Variants in DYNC2H1 observed in about 807,000 individuals in gnomAD.
DYNC2H1 encodes the protein dynein cytoplasmic 2 heavy chain 1, also known as cytoplasmic dynein 2 heavy chain 1.
In DYNC2H1, 410 loss-of-function variants were observed where a neutral mutation model predicts 570.0. The ratio of observed to expected loss-of-function variants is 0.72; its 90% CI spans 0.66 to 0.78. DYNC2H1 has a LOEUF of 0.78. DYNC2H1 is among the 30% of genes least tolerant of loss of function. DYNC2H1 has a pLI of 0.00. For synonymous variants in DYNC2H1, 1,688 were observed against 1,677.6 expected (o/e 1.01, Z -0.15); for missense variants, 4,865 against 5,046.4 (o/e 0.96, Z 1.09).
In DYNC2H1 at chr11:103,369,465, C is replaced by T. The variant is rs1226749407; in HGVS notation, c.12156+11106C>T. Among the ~76,000 whole-genome samples, 1 of 152,198 alleles carries T rather than the reference C, an allele frequency of 6.6e-6. No homozygotes were observed. Among genetic ancestry groups the T allele is most frequent in the African/African-American group, 2.4e-5 (1 of 41,472 alleles). On this transcript the variant is annotated intron_variant, in intron 83 of 88. Transcript: ENST00000375735. This position sits in a 1 kb window ranked among gnomAD's most constrained non-coding sequence, Gnocchi z 4.0. ...TGAACTGGAAGGGACACGTGACCTA[C>T]TGAGGCACCTGCTGGGGCAGCTAAG...
intron 83 of DYNC2H1, among the ~76,000 whole-genome samples, chr11:103,385,872 T>C (rs1941850973): frequency 6.6e-6 from 1 of 152,184 alleles, no homozygotes; most frequent in South Asian, 2.1e-4. Context: ...ACCTAGCCAA[T>C]GGAAGATCTG....
Position 103,151,354 on chromosome 11 carries a change from G to A in DYNC2H1, c.2947-782G>A, listed in dbSNP as rs1860529136. ...CTCGCCTCGGCCTCCCAAAGTGCTA[G>A]GATTACAGGTGTGAGCTGCCAGGCC... On this transcript the variant is annotated intron_variant, in intron 20 of 88. Transcript: ENST00000375735. The surrounding 1 kb of genome is among the most constrained non-coding windows in gnomAD (Gnocchi z 4.6). Among the ~76,000 whole-genome samples the A allele has an allele frequency of 6.6e-6, 1 of 152,082 alleles. No homozygotes were observed. Among genetic ancestry groups the A allele is most frequent in the Non-Finnish European group, 1.5e-5 (1 of 68,012 alleles).
chr11:103,193,240 G>T (rs1181875299), intron 47 of DYNC2H1, among the ~76,000 whole-genome samples: 1 of 152,174 alleles, frequency 6.6e-6, no homozygotes, highest in Non-Finnish European at 1.5e-5. Context: ...GAGTTTGCTT[G>T]ACTTGGAGTG....
intron 84 of DYNC2H1, chr11:103,402,805 A>T (rs1357227887): frequency 6.6e-6 from 1 of 152,088 alleles, no homozygotes; most frequent in Non-Finnish European, 1.5e-5. Context: ...AACTAGTGCT[A>T]TTGGTTGGAT....
In DYNC2H1 at chr11:103,188,541, T is replaced by A; in HGVS notation, c.7185T>A (p.Val2395=). 6.2e-7 allele frequency: 1 copy of A among 1,609,222 alleles called. No homozygotes were observed. Among genetic ancestry groups the A allele is most frequent in the Non-Finnish European group, 8.5e-7 (1 of 1,176,962 alleles). Residue 2395 remains valine (V), a synonymous_variant, in exon 44 of 89, where the codon GTT becomes GTA. Transcript: ENST00000375735. The part of the protein sequence containing the change: ...QGFYDENLEW[V]GLENIQIVAS... ...TTTATGATGAAAATTTGGAATGGGT[T>A]GGTCTAGAAAATATTCAAATTGTGG... is the stretch of plus-strand genomic sequence containing the variant.
chr11:103,286,281 C>T lies in DYNC2H1; in HGVS notation c.10917C>T (p.Thr3639=), dbSNP rs1181218512. The T allele has an allele frequency of 6.2e-7, 1 of 1,613,302 alleles. No homozygotes were observed. Residue 3639 remains threonine, a synonymous_variant, in exon 74 of 89, where the codon ACC becomes ACT. Coordinates refer to ENST00000375735, the MANE Select transcript of DYNC2H1 (RefSeq NM_001377.3). ...LKIALPSLYQ[T]LCFEDAALWR... Reference sequence around the variant, plus strand: ...TTGCTCTCCCCAGTCTTTATCAGACCCTCTGCTTTGAAGATGCAGCTCTGT... The same window carrying T: ...TTGCTCTCCCCAGTCTTTATCAGACTCTCTGCTTTGAAGATGCAGCTCTGT...
chr11:103,219,924 G>C lies in DYNC2H1; in HGVS notation c.8842G>C (p.Glu2948Gln). ...MITVSMQDASEQKTELERLKH... is the reference protein window; with the variant it reads ...MITVSMQDASQQKTELERLKH... The stretch of plus-strand genomic sequence containing the variant: ...TTAAATATTCTTATAGGATGCTAGT[G>C]AGCAAAAAACAGAACTTGAAAGACT... The change falls in exon 56 of 89, where the codon GAG (glutamate) becomes CAG (glutamine). Residue 2948 changes from glutamate (E) to glutamine (Q), a missense_variant. This residue lies in a region of DYNC2H1 where 2,401 missense variants were observed against 2,454.6 expected (regional missense o/e 0.98). Coordinates refer to ENST00000375735, the MANE Select transcript of DYNC2H1 (RefSeq NM_001377.3). The C allele has an allele frequency of 1.3e-6, 2 of 1,517,176 alleles. No homozygotes were observed. The highest frequency in any genetic ancestry group is 1.8e-6 in the Non-Finnish European group (2 of 1,138,450). 94.0% of individuals were successfully genotyped at this position (1,517,176 alleles called of 1,614,324 possible). A position where few individuals can be genotyped will look rare whatever the true frequency, so the allele number is the denominator to read the frequency against.
Position 103,236,450 on chromosome 11 carries a change from C to T in DYNC2H1, c.9730C>T (p.Leu3244Phe). 6.2e-7 allele frequency: 1 copy of T among 1,605,536 alleles called. No homozygotes were observed. Among genetic ancestry groups the T allele is most frequent in the Non-Finnish European group, 8.5e-7 (1 of 1,173,092 alleles). ...TTCAGAATTTGATCTGAGGAGATTTCTTTGTACTGAAAGTGAGCAGTTAAT... is the reference window on the plus strand; with the variant it reads ...TTCAGAATTTGATCTGAGGAGATTTTTTTGTACTGAAAGTGAGCAGTTAAT... ...GLEKFDLRRF[L>F]CTESEQLIWK... Residue 3244 changes from leucine (L) to phenylalanine (F), a missense_variant, in exon 63 of 89, where the codon CTT (leucine) becomes TTT (phenylalanine). Leu to Phe is a conservative substitution (Grantham distance 22, BLOSUM62 0). Around this residue, in one of 5 missense-constraint regions of DYNC2H1, gnomAD observed 2,401 missense variants for 2,454.6 expected, o/e 0.98. Transcript: ENST00000375735.
intron 40 of DYNC2H1, 132 bp downstream of exon 40, chr11:103,182,018 C>A: frequency 1.2e-6 from 1 of 867,674 alleles, no homozygotes. Context: ...TTTGTCACTG[C>A]TACTCCTCTG....
In DYNC2H1 at chr11:103,455,752, A is replaced by G. The variant is rs142283777; in HGVS notation, c.12566+457A>G. ...AAAATTCTGCTGGACAGTGCTGACT[A>G]GGCTCCTTGGTGGAGAACAGGACTT... On this transcript the variant is annotated intron_variant, in intron 86 of 88. Transcript: ENST00000375735. 1.8e-4 allele frequency among the ~76,000 whole-genome samples: 28 copies of G among 152,242 alleles called. No homozygotes were observed. In the East Asian group the frequency reaches 4.8e-3, roughly 26 times the overall value.
intron 82 of DYNC2H1, among the ~76,000 whole-genome samples, chr11:103,330,393 C>G (rs1938715909): frequency 6.6e-6 from 1 of 151,530 alleles, no homozygotes; most frequent in Non-Finnish European, 1.5e-5. Flanking sequence ...CTGAAGAAAT[C>G]TTTAAAGCAG....
chr11:103,154,974 T>C (rs1256722904), intron 24 of DYNC2H1, among the ~76,000 whole-genome samples, 165 bp downstream of exon 24: 3 of 152,110 alleles, frequency 2.0e-5, no homozygotes, highest in African/African-American at 4.8e-5. Flanking sequence ...TATTGATATT[T>C]CTACTACCAA....
At chr11:103,114,518 C>T (rs1858277458) in intron 3 of DYNC2H1, among the ~76,000 whole-genome samples, 1 of 152,162 alleles carries the variant, frequency 6.6e-6, no homozygotes, top group Non-Finnish European at 1.5e-5. Flanking sequence ...TGGGGTCTTG[C>T]TGTATTGCCC....
chr11:103,388,645 A>G (rs1941995269), intron 83 of DYNC2H1, among the ~76,000 whole-genome samples: 2 of 152,178 alleles, frequency 1.3e-5, no homozygotes, highest in Admixed American at 6.5e-5. Context: ...TGGGTTTCTC[A>G]TAGATAGCTC....
intron 84 of DYNC2H1, among the ~76,000 whole-genome samples, chr11:103,431,429 A>G (rs1943889529): frequency 6.6e-6 from 1 of 152,078 alleles, no homozygotes; most frequent in African/African-American, 2.4e-5. Flanking sequence ...GGGGGTTTAC[A>G]TCCTGGATCT....
intron 12 of DYNC2H1, among the ~76,000 whole-genome samples, chr11:103,128,207 G>A (rs990496632): frequency 5.3e-5 from 8 of 152,130 alleles, no homozygotes; most frequent in Admixed American, 1.3e-4. Flanking sequence ...GGATTTTTGG[G>A]TTTTATTCTC....
intron 82 of DYNC2H1, among the ~76,000 whole-genome samples, chr11:103,339,988 CTCTTCCAAACACATAGAT>C (rs1254920852): frequency 3.9e-5 from 6 of 152,312 alleles, no homozygotes; most frequent in Middle Eastern, 3.4e-3. Flanking sequence ...TTCACTCTTG[CTCTTCCAAACACATAGAT>C]TCTCAGTGCT....
At position 103,137,650 on chromosome 11, in the gene DYNC2H1, T is replaced by A. The variant is rs1270132273; in HGVS notation, c.2574+1702T>A. 2.0e-5 allele frequency among the ~76,000 whole-genome samples: 3 copies of A among 152,178 alleles called. No individual in the cohort carries two copies. The East Asian group carries it at 5.8e-4, about 29-fold the overall frequency. ...TGTAGCCTTGTAGTATAGTTTGAAG[T>A]CAGGTAGCGTGATGCCTCCAGCTTT... On this transcript the variant is annotated intron_variant, in intron 17 of 88. Coordinates refer to ENST00000375735, the MANE Select transcript of DYNC2H1 (RefSeq NM_001377.3).
intron 82 of DYNC2H1, among the ~76,000 whole-genome samples, chr11:103,332,988 G>A (rs1938901493): frequency 6.8e-6 from 1 of 146,950 alleles, no homozygotes; most frequent in African/African-American, 2.5e-5. Context: ...GGGAGACAGA[G>A]CAAGACTCCA....
Sources: allele counts gnomAD v4.1 joint callset (sites outside exome capture counted in the v4.1 genomes callset), GRCh38; gene constraint gnomAD v4.1.1; regional missense constraint gnomAD v4.1.1; non-coding constraint Gnocchi (gnomAD v3.1); transcripts MANE v1.5; gene names NCBI Gene and HGNC (gene_info 2026-07-23, HGNC 2026-07-21).